The following SULT2B1 variants were observed in gnomAD, a reference collection of about 807,000 sequenced individuals.
SULT2B1 encodes the protein sulfotransferase 2B1.
In SULT2B1, 16 loss-of-function variants were observed where a neutral mutation model predicts 33.2. The observed-to-expected ratio is 0.48, with a 90% CI of 0.33 to 0.73. SULT2B1 has a LOEUF of 0.73. Ranked by LOEUF, SULT2B1 falls within the 30% of genes least tolerant of loss-of-function variation. SULT2B1 has a pLI of 0.02. For missense variants in SULT2B1, 500 were observed against 506.0 expected (o/e 0.99, Z 0.11); for synonymous variants, 186 against 200.5 (o/e 0.93, Z 0.61).
chr19:48,581,472 G>GTTTTTTTTT (rs4011541), intron 2 of SULT2B1, among the ~76,000 whole-genome samples: 1 of 118,910 alleles, frequency 8.4e-6, no homozygotes, highest in Non-Finnish European at 1.6e-5. Context: ...AGATTTGAGA[G>GTTTTTTTTT]TTTTTTTTTT....
Position 48,575,970 on chromosome 19 carries a change from A to T in SULT2B1, c.101A>T (p.Tyr34Phe). The T allele has an allele frequency of 6.2e-7, 1 of 1,613,822 alleles. No individual in the cohort carries two copies. The highest frequency in any genetic ancestry group is 8.5e-7 in the Non-Finnish European group (1 of 1,179,840). ...AAGTTGCCAGGTGAATACTTCCGGT[A>T]CAAGGGCGTCCCCTTCCCCGTCGGC... ...SQKLPGEYFR[Y>F]KGVPFPVGLY... The change falls in exon 2 of 7, where the codon TAC becomes TTC. Residue 34 changes from tyrosine (Y) to phenylalanine (F), a missense_variant. Tyr to Phe is a conservative substitution (Grantham distance 22, BLOSUM62 3). Coordinates refer to ENST00000201586, the MANE Select transcript of SULT2B1 (RefSeq NM_177973.2).
At chr19:48,559,909 C>T (rs1413719309) in intron 1 of SULT2B1, among the ~76,000 whole-genome samples, 1 of 151,452 alleles carries the variant, frequency 6.6e-6, no homozygotes, top group Non-Finnish European at 1.5e-5. Flanking sequence ...TTGCTTGAGG[C>T]CAGGAGTTCA....
chr19:48,563,107 G>A (rs1973201671), intron 1 of SULT2B1, among the ~76,000 whole-genome samples: 1 of 152,014 alleles, frequency 6.6e-6, no homozygotes, highest in African/African-American at 2.4e-5. Flanking sequence ...TGGAGACAGG[G>A]TCTTGCTATG....
chr19:48,565,334 G>GT (rs1229319949), intron 1 of SULT2B1, among the ~76,000 whole-genome samples: 11 of 151,328 alleles, frequency 7.3e-5, no homozygotes, highest in African/African-American at 1.2e-4. Context: ...GTTTATGGGG[G>GT]GGTGTGTGTG....
chr19:48,568,664 T>C (rs1450612055), intron 1 of SULT2B1, among the ~76,000 whole-genome samples: 1 of 151,968 alleles, frequency 6.6e-6, no homozygotes, highest in Admixed American at 6.6e-5. Flanking sequence ...GTCCTGGGAG[T>C]GAAGCGCATT....
At chr19:48,594,875 C>T (rs927763278) in intron 5 of SULT2B1, among the ~76,000 whole-genome samples, 11 of 142,084 alleles carry the variant, frequency 7.7e-5, no homozygotes, top group Non-Finnish European at 1.7e-4. Flanking sequence ...AAAAATTAGC[C>T]AGGCATGGTG....
chr19:48,599,196 C>T lies in SULT2B1; in HGVS notation c.888C>T (p.Ala296=). 6.2e-7 allele frequency: 1 copy of T among 1,604,940 alleles called. No homozygotes were observed. Among genetic ancestry groups the T allele is most frequent in the Non-Finnish European group, 8.5e-7 (1 of 1,177,660 alleles). ...CCCAGAGCGAAGCCTTCGATCGTGCCTACCGCAAGCAGATGCGGGGGATGC... is the reference window on the plus strand; with the variant it reads ...CCCAGAGCGAAGCCTTCGATCGTGCTTACCGCAAGCAGATGCGGGGGATGC... ...TVAQSEAFDR[A]YRKQMRGMPT... is the part of the protein sequence containing the mutation. Residue 296 remains alanine (A), a synonymous_variant, in exon 7 of 7, where the codon GCC becomes GCT. Transcript: ENST00000201586. The surrounding 1 kb of genome is among the most constrained non-coding windows in gnomAD (Gnocchi z 4.1).
chr19:48,590,890 G>A (rs1228137068), intron 3 of SULT2B1, among the ~76,000 whole-genome samples: 1 of 152,004 alleles, frequency 6.6e-6, no homozygotes, highest in Non-Finnish European at 1.5e-5. Context: ...CTGGAGTGCA[G>A]TGGTGTGATC....
At chr19:48,569,361 A>AAAATATAT (rs1568405757) in intron 1 of SULT2B1, among the ~76,000 whole-genome samples, 9 of 9,956 alleles carry the variant, frequency 9.0e-4, no homozygotes, top group South Asian at 0.016. Context: ...AAAAAAAAAA[A>AAAATATAT]ACATATATAT....
chr19:48,568,890 T>TC (rs71179010), intron 1 of SULT2B1, among the ~76,000 whole-genome samples: 64,069 of 151,762 alleles, frequency 0.42, 14,417 homozygotes, highest in South Asian at 0.58. Context: ...ACCACTCACT[T>TC]CTTTGCGCTC....
At chr19:48,564,548 T>C (rs1432755589) in intron 1 of SULT2B1, among the ~76,000 whole-genome samples, 2 of 71,170 alleles carry the variant, frequency 2.8e-5, no homozygotes, top group South Asian at 6.5e-4. Context: ...CGAGACTCCG[T>C]CTCAAAAAAA....
chr19:48,587,246 G>A lies in SULT2B1; in HGVS notation c.232G>A (p.Glu78Lys), dbSNP rs140526640. ...YPKSGTTWMIEIICLILKEGD... is the reference protein window; with the variant it reads ...YPKSGTTWMIKIICLILKEGD... ...CCCAACAGGCACGACCTGGATGATC[G>A]AGATCATCTGCTTAATCCTGAAGGA... Residue 78 changes from glutamate (E) to lysine (K), a missense_variant, in exon 3 of 7, where the codon GAG (glutamate) becomes AAG (lysine). Coordinates refer to ENST00000201586, the MANE Select transcript of SULT2B1 (RefSeq NM_177973.2). 38 of 1,612,230 alleles carry A rather than the reference G, an allele frequency of 2.4e-5. No individual in the cohort carries two copies. Among genetic ancestry groups the A allele is most frequent in the Non-Finnish European group, 2.7e-5 (32 of 1,178,932 alleles).
At chr19:48,561,354 G>A (rs1973175070) in intron 1 of SULT2B1, among the ~76,000 whole-genome samples, 1 of 151,852 alleles carries the variant, frequency 6.6e-6, no homozygotes, top group Non-Finnish European at 1.5e-5. Flanking sequence ...GCTTGAACCC[G>A]GGAGGCAGAG....
At chr19:48,579,936 T>G (rs1210775282) in intron 2 of SULT2B1, among the ~76,000 whole-genome samples, 2 of 151,788 alleles carry the variant, frequency 1.3e-5, no homozygotes, top group Non-Finnish European at 2.9e-5. Context: ...TCTATTTTTA[T>G]TTTTTGAGGC....
At chr19:48,556,928 C>CTGTT (rs1289009539) in intron 1 of SULT2B1, among the ~76,000 whole-genome samples, 1 of 149,806 alleles carries the variant, frequency 6.7e-6, no homozygotes. Flanking sequence ...CCAGCCTGGG[C>CTGTT]AACAGAACAA....
chr19:48,562,534 G>A (rs73050931), intron 1 of SULT2B1, among the ~76,000 whole-genome samples: 32,770 of 151,906 alleles, frequency 0.22, 3,756 homozygotes, highest in East Asian at 0.43. Flanking sequence ...CCTGGGTGAA[G>A]GAGTGAGACT....
chr19:48,564,545 C>T (rs1235966447), intron 1 of SULT2B1, among the ~76,000 whole-genome samples: 1 of 106,370 alleles, frequency 9.4e-6, no homozygotes, highest in African/African-American at 3.5e-5. Flanking sequence ...GAGCGAGACT[C>T]CGTCTCAAAA....
intron 1 of SULT2B1, among the ~76,000 whole-genome samples, chr19:48,559,470 A>C (rs1421584488): frequency 3.3e-5 from 5 of 152,132 alleles, no homozygotes; most frequent in African/African-American, 1.2e-4. Flanking sequence ...TCCTGGGTTC[A>C]AGCGATTCTC....
chr19:48,552,969 A>C lies in SULT2B1; in HGVS notation c.71+646A>C, dbSNP rs1973048709. On this transcript the variant is annotated intron_variant, in intron 1 of 6. Coordinates refer to ENST00000201586, the MANE Select transcript of SULT2B1 (RefSeq NM_177973.2). This position sits in a 1 kb window ranked among gnomAD's most constrained non-coding sequence, Gnocchi z 4.8. ...ATGGGGAAACTGAGGCTGGGAGGGA[A>C]CGCGACATGACCGCAATTACGCAGC... Among the ~76,000 whole-genome samples the C allele has an allele frequency of 6.6e-6, 1 of 152,104 alleles. No individual in the cohort carries two copies. Among genetic ancestry groups the C allele is most frequent in the Non-Finnish European group, 1.5e-5 (1 of 68,002 alleles).
Sources: gnomAD v4.1 joint callset for allele counts (sites outside exome capture counted in the v4.1 genomes callset) on GRCh38, gnomAD v4.1.1 for gene constraint, Gnocchi (gnomAD v3.1) non-coding constraint, MANE v1.5 for transcripts, NCBI Gene and HGNC (gene_info 2026-07-23, HGNC 2026-07-21) for gene names.